The following PCDHA9 variants were observed in gnomAD, a reference collection of about 807,000 sequenced individuals.
PCDHA9 encodes the protein protocadherin alpha-9.
A neutral mutation model predicts 62.0 loss-of-function variants in PCDHA9; 62 were observed. That is an observed-to-expected ratio of 1.00 (90% CI 0.81 to 1.23). PCDHA9 has a LOEUF of 1.23. Ranked by LOEUF, PCDHA9 falls within the 50% of genes most tolerant of loss-of-function variation. PCDHA9 has a pLI of 0.00. For missense variants in PCDHA9, 1,205 were observed against 1,249.8 expected (o/e 0.96, Z 0.54); for synonymous variants, 557 against 567.6 (o/e 0.98, Z 0.27).
chr5:140,875,432 T>C (rs1268206649), intron 1 of PCDHA9: 3 of 1,559,782 alleles, frequency 1.9e-6, no homozygotes, highest in Non-Finnish European at 2.6e-6. Flanking sequence ...AGCGATCCCT[T>C]AAAACTGATT....
At chr5:140,916,933 A>G (rs1554197692) in intron 1 of PCDHA9, among the ~76,000 whole-genome samples, 3 of 152,162 alleles carry the variant, frequency 2.0e-5, no homozygotes, top group Non-Finnish European at 4.4e-5. Context: ...ACTTAAGCAT[A>G]TAGTGGTGAG....
intron 3 of PCDHA9, among the ~76,000 whole-genome samples, chr5:141,000,371 C>G (rs868969531): frequency 6.1e-5 from 3 of 49,260 alleles, no homozygotes; most frequent in Admixed American, 2.7e-4. Flanking sequence ...GTCTCTCTCT[C>G]TCTCTCTCTC....
intron 1 of PCDHA9, among the ~76,000 whole-genome samples, chr5:140,937,847 A>G (rs2091797551): frequency 6.8e-6 from 1 of 148,000 alleles, no homozygotes; most frequent in Non-Finnish European, 1.5e-5. Flanking sequence ...GGAAGGCGGA[A>G]CTTGGAGTGA....
rs559205841 is a variant in PCDHA9 at position 140,922,691 on chromosome 5, C to G, written c.2395-56258C>G. On this transcript the variant is annotated intron_variant, in intron 1 of 3. Coordinates refer to ENST00000532602, the MANE Select transcript of PCDHA9 (RefSeq NM_031857.2). ...GCAGTAAAAAAGTGAACAGGCTCTGCTTCCATACAGTCAAGAACAAAAAGA... is the reference window on the plus strand; with the variant it reads ...GCAGTAAAAAAGTGAACAGGCTCTGGTTCCATACAGTCAAGAACAAAAAGA... 2.0e-4 allele frequency among the ~76,000 whole-genome samples: 30 copies of G among 152,262 alleles called. No individual in the cohort carries two copies. In the South Asian group the frequency reaches 6.0e-3, roughly 31 times the overall value.
chr5:140,900,081 G>T (rs1306300563), intron 1 of PCDHA9, among the ~76,000 whole-genome samples: 1 of 152,062 alleles, frequency 6.6e-6, no homozygotes, highest in African/African-American at 2.4e-5. Context: ...AAGTGCTGCA[G>T]TTACAAGCAT....
At chr5:140,884,138 G>C (rs782798249) in intron 1 of PCDHA9, 2 of 1,613,410 alleles carry the variant, frequency 1.2e-6, no homozygotes, top group Non-Finnish European at 1.7e-6. Context: ...CCCGTTCCGC[G>C]TGGGGCTGTA....
At chr5:140,897,378 C>T (rs992566047) in intron 1 of PCDHA9, among the ~76,000 whole-genome samples, 8 of 144,246 alleles carry the variant, frequency 5.5e-5, no homozygotes, top group Admixed American at 4.3e-4. Context: ...GTTCCCTTCC[C>T]CTTCCTGTGT....
At chr5:140,963,204 A>G (rs2095745825) in intron 1 of PCDHA9, among the ~76,000 whole-genome samples, 1 of 152,104 alleles carries the variant, frequency 6.6e-6, no homozygotes, top group African/African-American at 2.4e-5. Flanking sequence ...ATGAAAAAAA[A>G]AACCTCGTGT....
intron 1 of PCDHA9, chr5:140,930,358 T>G (rs1253370170): frequency 6.6e-6 from 1 of 152,216 alleles, no homozygotes; most frequent in Non-Finnish European, 1.5e-5. Context: ...AATATTTCAA[T>G]TTATCTGTTA....
intron 1 of PCDHA9, chr5:140,870,699 C>T (rs1160091003): frequency 6.2e-7 from 1 of 1,613,004 alleles, no homozygotes. Flanking sequence ...TGCTACAGTT[C>T]CAGGTGAGCG....
At chr5:140,917,379 T>C (rs1393963383) in intron 1 of PCDHA9, among the ~76,000 whole-genome samples, 1 of 147,708 alleles carries the variant, frequency 6.8e-6, no homozygotes, top group African/African-American at 2.5e-5. Context: ...TCCACCTCAA[T>C]AGTCTGATGT....
At chr5:140,989,598 T>C (rs369591964) in intron 3 of PCDHA9, among the ~76,000 whole-genome samples, 431 of 152,260 alleles carry the variant, frequency 2.8e-3, no homozygotes, top group Middle Eastern at 6.8e-3. Flanking sequence ...CTGACACAAG[T>C]AAACTAAAAA....
At chr5:140,901,482 G>A (rs1348405650) in intron 1 of PCDHA9, among the ~76,000 whole-genome samples, 8 of 152,010 alleles carry the variant, frequency 5.3e-5, no homozygotes, top group African/African-American at 1.9e-4. Context: ...TATGTTCTTG[G>A]CACCTTCATC....
In PCDHA9 at chr5:140,875,579, A is replaced by C. The variant is rs552791418; in HGVS notation, c.2394+24690A>C. ...AGCGGCCAGCTCCACTACTCCGTCTACGAGGAGGCCAAACACGGCACCTTC... is the reference window on the plus strand; with the variant it reads ...AGCGGCCAGCTCCACTACTCCGTCTCCGAGGAGGCCAAACACGGCACCTTC... On this transcript the variant is annotated intron_variant, in intron 1 of 3. Coordinates refer to ENST00000532602, the MANE Select transcript of PCDHA9 (RefSeq NM_031857.2). The C allele has an allele frequency of 9.3e-6, 15 of 1,614,050 alleles. No individual in the cohort carries two copies. Among genetic ancestry groups the C allele is most frequent in the East Asian group, 6.7e-5 (3 of 44,884 alleles).
At chr5:140,917,327 G>T (rs1219338384) in intron 1 of PCDHA9, among the ~76,000 whole-genome samples, 1 of 149,420 alleles carries the variant, frequency 6.7e-6, no homozygotes, top group Non-Finnish European at 1.5e-5. Context: ...CATGTGGCGG[G>T]GGAGGGGGGG....
chr5:140,940,253 A>G (rs1216858680), intron 1 of PCDHA9, among the ~76,000 whole-genome samples: 1 of 152,124 alleles, frequency 6.6e-6, no homozygotes, highest in Middle Eastern at 3.2e-3. Context: ...CCTCCTCAAT[A>G]TCTTCTGGGT....
chr5:140,878,348 T>G (rs55915538), intron 1 of PCDHA9, among the ~76,000 whole-genome samples: 4,312 of 152,298 alleles, frequency 0.028, 189 homozygotes, highest in African/African-American at 0.098. Flanking sequence ...ATCACAATAA[T>G]ATAAATGATA....
chr5:140,929,995 C>A (rs543771321), intron 1 of PCDHA9: 1 of 152,108 alleles, frequency 6.6e-6, no homozygotes, highest in Admixed American at 6.5e-5. Context: ...GGAATGACAC[C>A]CTAAAACATA....
chr5:140,898,506 G>A (rs1185053384), intron 1 of PCDHA9, among the ~76,000 whole-genome samples: 2 of 152,132 alleles, frequency 1.3e-5, no homozygotes, highest in Admixed American at 1.3e-4. Context: ...TTGTAGATAT[G>A]CGGCGTTATT....
Sources: allele counts gnomAD v4.1 joint callset (sites outside exome capture counted in the v4.1 genomes callset), GRCh38; gene constraint gnomAD v4.1.1; transcripts MANE v1.5; gene names NCBI Gene and HGNC (gene_info 2026-07-23, HGNC 2026-07-21).